The following LEPR variants were observed in gnomAD, a reference collection of about 807,000 sequenced individuals.
The protein encoded by LEPR is leptin receptor.
LEPR carries 56 observed loss-of-function variants against 114.7 expected under a neutral mutation model. The ratio of observed to expected loss-of-function variants is 0.49; its 90% confidence interval spans 0.39 to 0.61. The LOEUF (loss-of-function observed/expected upper bound fraction) is 0.61. Ranked by LOEUF, LEPR falls within the 20% of genes least tolerant of loss-of-function variation. LEPR has a pLI of 0.00. For synonymous variants in LEPR, 443 were observed against 461.4 expected (o/e 0.96, Z 0.51); for missense variants, 1,202 against 1,352.9 (o/e 0.89, Z 1.75).
intron 2 of LEPR, among the ~76,000 whole-genome samples, chr1:65,441,970 T>C (rs1395555600): frequency 6.6e-6 from 1 of 151,216 alleles, no homozygotes; most frequent in African/African-American, 2.4e-5. Flanking sequence ...GGTAGGAGAG[T>C]GAAGAAAAGG....
chr1:65,525,698 G>A lies in LEPR; in HGVS notation c.-20-39848G>A, dbSNP rs565532644. On this transcript the variant is annotated intron_variant, in intron 2 of 19. Transcript: ENST00000349533. ...CTGAGAGTTGCCCCGCACCTTGGGC[G>A]AGGAGTTCGGAGCGGCCCCATCGCA... 1.8e-5 allele frequency: 18 copies of A among 985,558 alleles called. No individual in the cohort carries two copies. In the South Asian group the frequency reaches 7.5e-4, roughly 41 times the overall value. 61.1% of individuals were successfully genotyped at this position (985,558 alleles called of 1,614,324 possible).
intron 11 of LEPR, among the ~76,000 whole-genome samples, chr1:65,607,905 G>A (rs997494540): frequency 6.6e-6 from 1 of 152,092 alleles, no homozygotes; most frequent in Non-Finnish European, 1.5e-5. Context: ...GCATTTCTAT[G>A]ATTTTTACAT....
intron 2 of LEPR, chr1:65,435,178 A>G: frequency 2.0e-6 from 2 of 985,284 alleles, no homozygotes; most frequent in African/African-American, 1.7e-5. Context: ...CCTGCTTTTC[A>G]TAGTTGTTTC....
rs1482997272 is a variant in LEPR at position 65,633,304 on chromosome 1, A to G, written c.2674-2887A>G. ...TTCAGTTGAACTTCTGAGAGTTAAC[A>G]TATGGTGGATTATGTTGATTTAGAA... On this transcript the variant is annotated intron_variant, in intron 19 of 19. Coordinates refer to ENST00000349533, the MANE Select transcript of LEPR (RefSeq NM_002303.6). This position sits in a 1 kb window ranked among gnomAD's most constrained non-coding sequence, Gnocchi z 4.1. The G allele has an allele frequency of 2.0e-5, 29 of 1,480,488 alleles. No homozygotes were observed. The highest frequency in any genetic ancestry group is 2.5e-5 in the Non-Finnish European group (28 of 1,119,408). 91.7% of individuals were successfully genotyped at this position (1,480,488 alleles called of 1,614,324 possible).
At chr1:65,541,921 C>G (rs553051097) in intron 2 of LEPR, among the ~76,000 whole-genome samples, 1 of 152,260 alleles carries the variant, frequency 6.6e-6, no homozygotes, top group East Asian at 1.9e-4. Flanking sequence ...TTTATTTCTG[C>G]TCAAACACTG....
At chr1:65,509,451 T>C (rs1356944526) in intron 2 of LEPR, among the ~76,000 whole-genome samples, 1 of 152,162 alleles carries the variant, frequency 6.6e-6, no homozygotes, top group Non-Finnish European at 1.5e-5. Context: ...GATCATATGT[T>C]TTTTGTCCTT....
intron 2 of LEPR, among the ~76,000 whole-genome samples, chr1:65,472,072 T>G (rs1430335703): frequency 6.6e-6 from 1 of 152,158 alleles, no homozygotes; most frequent in Non-Finnish European, 1.5e-5. Context: ...AGTAACGTAG[T>G]AAAATTTTTT....
intron 2 of LEPR, among the ~76,000 whole-genome samples, chr1:65,490,577 A>G (rs1037670449): frequency 6.6e-6 from 1 of 152,104 alleles, no homozygotes; most frequent in African/African-American, 2.4e-5. Context: ...AGTGGTTTCA[A>G]TCTGGGCTGT....
chr1:65,585,028 G>C (rs1345180407), intron 5 of LEPR, among the ~76,000 whole-genome samples: 2 of 151,990 alleles, frequency 1.3e-5, no homozygotes, highest in African/African-American at 4.8e-5. Flanking sequence ...TCAGAACATA[G>C]ATTGCTTAGC....
rs1265596796 is a variant in LEPR, at chr1:65,451,598, C to T, written c.-21+26220C>T. Among the ~76,000 whole-genome samples the T allele has an allele frequency of 3.3e-5, 5 of 152,256 alleles. No individual in the cohort carries two copies. The East Asian group carries it at 5.8e-4, about 18-fold the overall frequency. On this transcript the variant is annotated intron_variant, in intron 2 of 19. Transcript: ENST00000349533. ...AGATCAGATAGTTGTAGATATGCAG[C>T]ATTATTTCTGAGGGCTCTGTTCTGT...
chr1:65,617,165 G>C (rs977843162), intron 15 of LEPR, among the ~76,000 whole-genome samples: 7 of 152,076 alleles, frequency 4.6e-5, no homozygotes, highest in Non-Finnish European at 1.0e-4. Flanking sequence ...GGAGTGTCCA[G>C]AGCCTAATAG....
At chr1:65,551,294 C>T (rs1008888771) in intron 2 of LEPR, among the ~76,000 whole-genome samples, 4 of 152,034 alleles carry the variant, frequency 2.6e-5, no homozygotes, top group Admixed American at 1.3e-4. Context: ...GGAATGGTAC[C>T]AGCTCCTCTT....
At chr1:65,499,468 C>T (rs972444793) in intron 2 of LEPR, among the ~76,000 whole-genome samples, 4 of 151,938 alleles carry the variant, frequency 2.6e-5, no homozygotes, top group East Asian at 1.9e-4. Flanking sequence ...AAAATTATAC[C>T]AAATTTCTGG....
At chr1:65,422,307 G>A (rs1646266433) in intron 1 of LEPR, among the ~76,000 whole-genome samples, 1 of 152,176 alleles carries the variant, frequency 6.6e-6, no homozygotes, top group African/African-American at 2.4e-5. Flanking sequence ...GAGTGATGCA[G>A]CTACAAAGTC....
At chr1:65,526,001 T>G (rs1012672291) in intron 2 of LEPR, 8 of 744,112 alleles carry the variant, frequency 1.1e-5, no homozygotes, top group Admixed American at 6.6e-5. Context: ...GCGGCGGGGG[T>G]GGGGTGGGTG....
At chr1:65,432,519 A>G (rs1646500230) in intron 2 of LEPR, 1 of 725,288 alleles carries the variant, frequency 1.4e-6, no homozygotes, top group African/African-American at 1.9e-5. Context: ...TTATCTTTCC[A>G]GTGGCTAAAC....
intron 2 of LEPR, among the ~76,000 whole-genome samples, chr1:65,430,963 A>G (rs1646473817): frequency 6.6e-6 from 1 of 152,214 alleles, no homozygotes; most frequent in Non-Finnish European, 1.5e-5. Flanking sequence ...ATTCAAGTGT[A>G]AGAATGCAGT....
chr1:65,449,632 C>T (rs1037919565), intron 2 of LEPR, among the ~76,000 whole-genome samples: 2 of 151,810 alleles, frequency 1.3e-5, no homozygotes, highest in African/African-American at 2.4e-5. Context: ...AGCCCAGCTT[C>T]CCTCCGGCAA....
intron 2 of LEPR, among the ~76,000 whole-genome samples, chr1:65,492,576 C>G (rs1647929219): frequency 6.6e-6 from 1 of 152,000 alleles, no homozygotes; most frequent in South Asian, 2.1e-4. Flanking sequence ...AACATAATTG[C>G]AAAACTAGTT....
Sources: allele counts gnomAD v4.1 joint callset (sites outside exome capture counted in the v4.1 genomes callset), GRCh38; gene constraint gnomAD v4.1.1; non-coding constraint Gnocchi (gnomAD v3.1); transcripts MANE v1.5; gene names NCBI Gene and HGNC (gene_info 2026-07-23, HGNC 2026-07-21).